Variants in LRRC3B observed in about 807,000 individuals in gnomAD.
The protein encoded by LRRC3B is leucine-rich repeat-containing protein 3B.
In LRRC3B, 2 loss-of-function variants were observed where a neutral mutation model predicts 12.8. The observed-to-expected ratio is 0.16, with a 90% CI of 0.06 to 0.49. The LOEUF (loss-of-function observed/expected upper bound fraction) is 0.49. Among genes scored for constraint, LRRC3B ranks in the 20% least tolerant of loss-of-function variants. LRRC3B has a pLI of 0.96. For missense variants in LRRC3B, 189 were observed against 319.4 expected (o/e 0.59, Z 3.11); for synonymous variants, 132 against 122.0 (o/e 1.08, Z -0.54).
At chr3:26,634,265 T>C (rs1470382086) in intron 1 of LRRC3B, among the ~76,000 whole-genome samples, 1 of 152,226 alleles carries the variant, frequency 6.6e-6, no homozygotes, top group African/African-American at 2.4e-5. Flanking sequence ...TGAAAACCCT[T>C]GCAAAGAATC....
chr3:26,650,330 A>G (rs1387673056), intron 1 of LRRC3B, among the ~76,000 whole-genome samples: 1 of 152,178 alleles, frequency 6.6e-6, no homozygotes, highest in East Asian at 1.9e-4. Flanking sequence ...TGATTGTGTC[A>G]GGTTTTTCTT....
At chr3:26,659,535 TCATA>T (rs1699450142) in intron 1 of LRRC3B, among the ~76,000 whole-genome samples, 2 of 152,340 alleles carry the variant, frequency 1.3e-5, no homozygotes, top group South Asian at 4.1e-4. Flanking sequence ...CAATGGAAAC[TCATA>T]AATAGTGGCA....
intron 1 of LRRC3B, among the ~76,000 whole-genome samples, chr3:26,632,734 TGAAGTTAATCA>T (rs1698784861): frequency 6.6e-6 from 1 of 152,090 alleles, no homozygotes; most frequent in Non-Finnish European, 1.5e-5. Flanking sequence ...TTCCAGGAAC[TGAAGTTAATCA>T]GAAGTCAACA....
chr3:26,686,950 A>T (rs1700100636), intron 1 of LRRC3B, among the ~76,000 whole-genome samples: 1 of 152,142 alleles, frequency 6.6e-6, no homozygotes, highest in African/African-American at 2.4e-5. Flanking sequence ...TGTTTCTGGA[A>T]GGCAAAGTGT....
chr3:26,695,111 TCA>T (rs1197278470), intron 1 of LRRC3B, among the ~76,000 whole-genome samples: 1 of 152,352 alleles, frequency 6.6e-6, no homozygotes, highest in African/African-American at 2.4e-5. Context: ...AATTTTTCTC[TCA>T]GTGATATGTA....
chr3:26,634,001 TAAAACAAAAC>T lies in LRRC3B; in HGVS notation c.-161+10769_-161+10778del, dbSNP rs550791994. 1.3e-3 allele frequency among the ~76,000 whole-genome samples: 205 copies of T among 152,270 alleles called. 1 individual carries two copies. The highest frequency in any genetic ancestry group is 3.5e-3 in the African/African-American group (144 of 41,558). ...AGAACTAATTAAATTAAAAACAAAA[TAAAACAAAAC>T]AAAATAAAACACATATGCAGGCTAT... On this transcript the variant is annotated intron_variant, in intron 1 of 1. Transcript: ENST00000396641.
chr3:26,675,340 C>T (rs1699835509), intron 1 of LRRC3B, among the ~76,000 whole-genome samples: 1 of 152,196 alleles, frequency 6.6e-6, no homozygotes, highest in Non-Finnish European at 1.5e-5. Context: ...AGGCCTATGC[C>T]ATGAGCTCTA....
intron 1 of LRRC3B, among the ~76,000 whole-genome samples, chr3:26,704,144 A>T (rs1026931442): frequency 1.3e-5 from 2 of 152,092 alleles, no homozygotes; most frequent in African/African-American, 4.8e-5. Context: ...AAACATATTA[A>T]TTGCATATTT....
At chr3:26,694,328 A>G (rs913204228) in intron 1 of LRRC3B, among the ~76,000 whole-genome samples, 2 of 152,208 alleles carry the variant, frequency 1.3e-5, no homozygotes, top group Non-Finnish European at 2.9e-5. Context: ...AATCTGGGTT[A>G]ATAAATACTT....
chr3:26,693,319 A>G (rs919105342), intron 1 of LRRC3B, among the ~76,000 whole-genome samples: 15 of 127,410 alleles, frequency 1.2e-4, no homozygotes, highest in Non-Finnish European at 1.8e-4. Context: ...ACAGAGCGAA[A>G]CTCCGTCTCA....
intron 1 of LRRC3B, among the ~76,000 whole-genome samples, chr3:26,628,844 C>T (rs1199865930): frequency 8.5e-5 from 4 of 47,144 alleles, no homozygotes; most frequent in African/African-American, 4.3e-4. Context: ...TGAGTAAATA[C>T]TAAAAAAAAA....
intron 1 of LRRC3B, among the ~76,000 whole-genome samples, chr3:26,682,593 A>C (rs1385322084): frequency 1.3e-5 from 2 of 152,144 alleles, no homozygotes; most frequent in African/African-American, 4.8e-5. Flanking sequence ...TGAGATGGGA[A>C]AGTATGTTTC....
intron 1 of LRRC3B, among the ~76,000 whole-genome samples, chr3:26,686,891 G>T (rs910266202): frequency 6.6e-6 from 1 of 152,194 alleles, no homozygotes; most frequent in Non-Finnish European, 1.5e-5. Context: ...ATTAGGCTGA[G>T]GGAGCTAGAC....
chr3:26,675,967 TTTC>T (rs926305299), intron 1 of LRRC3B, among the ~76,000 whole-genome samples: 3 of 149,064 alleles, frequency 2.0e-5, no homozygotes, highest in Admixed American at 6.6e-5. Flanking sequence ...ATAAAGCCCC[TTTC>T]TTTTTTTTTT....
At chr3:26,632,352 G>A (rs915766110) in intron 1 of LRRC3B, among the ~76,000 whole-genome samples, 1 of 152,158 alleles carries the variant, frequency 6.6e-6, no homozygotes. Context: ...TACATCCTTA[G>A]TATGGCTTAA....
intron 1 of LRRC3B, among the ~76,000 whole-genome samples, chr3:26,643,870 G>A (rs878962647): frequency 1.3e-5 from 2 of 152,076 alleles, no homozygotes; most frequent in South Asian, 4.1e-4. Context: ...GCATTTTCTT[G>A]TTTTCTTAGT....
chr3:26,693,284 G>A (rs1022422638), intron 1 of LRRC3B, among the ~76,000 whole-genome samples: 2 of 143,478 alleles, frequency 1.4e-5, no homozygotes. Context: ...AGTCGAGATC[G>A]CGCCACTGCA....
intron 1 of LRRC3B, among the ~76,000 whole-genome samples, chr3:26,636,968 TTCTTTCTC>T (rs1559350447): frequency 4.5e-5 from 3 of 66,214 alleles, no homozygotes; most frequent in Admixed American, 1.9e-4. Flanking sequence ...CTTTCTTTCT[TTCTTTCTC>T]TCTCTCTCTT....
intron 1 of LRRC3B, among the ~76,000 whole-genome samples, chr3:26,706,173 A>G (rs1378741385): frequency 2.0e-5 from 3 of 152,122 alleles, no homozygotes; most frequent in Admixed American, 6.5e-5. Flanking sequence ...GGCCTCTTTT[A>G]TAAGGGCACG....
Sources: allele counts gnomAD v4.1 joint callset (sites outside exome capture counted in the v4.1 genomes callset), GRCh38; gene constraint gnomAD v4.1.1; transcripts MANE v1.5; gene names NCBI Gene and HGNC (gene_info 2026-07-23, HGNC 2026-07-21).